NEB: variants seen among roughly 807,000 people sequenced by gnomAD.
NEB encodes the protein nemaline myopathy type 2.
In NEB, 512 loss-of-function variants were observed where a neutral mutation model predicts 952.2. The observed-to-expected ratio is 0.54, with a 90% CI of 0.50 to 0.58. NEB has a LOEUF of 0.58. Ranked by LOEUF, NEB falls within the 20% of genes least tolerant of loss-of-function variation. NEB has a pLI of 0.00. For missense variants in NEB, 8,428 were observed against 9,231.1 expected (o/e 0.91, Z 3.56); for synonymous variants, 2,900 against 3,149.8 (o/e 0.92, Z 2.66).
chr2:151,710,054 T>C (rs1481251234), intron 11 of NEB, among the ~76,000 whole-genome samples: 1 of 152,192 alleles, frequency 6.6e-6, no homozygotes, highest in Non-Finnish European at 1.5e-5. Context: ...AGAAAAACAA[T>C]AGACTTATGT....
At chr2:151,707,513 G>T (rs899040914) in intron 12 of NEB, among the ~76,000 whole-genome samples, 1 of 74,460 alleles carries the variant, frequency 1.3e-5, no homozygotes, top group Non-Finnish European at 4.9e-5. Context: ...CAATTTACAA[G>T]TAGGAGGAGG....
At chr2:151,554,909 A>C (rs768845391) in intron 125 of NEB, 22 bp downstream of exon 125, 1 of 1,489,170 alleles carries the variant, frequency 6.7e-7, no homozygotes, top group South Asian at 1.1e-5. Flanking sequence ...CTAGTCATTA[A>C]GGGGCGCATG....
At chr2:151,729,552 A>C in intron 4 of NEB, 63 bp downstream of exon 4, 2 of 1,566,530 alleles carry the variant, frequency 1.3e-6, no homozygotes, top group Non-Finnish European at 1.8e-6. Context: ...GAGTCTAAGA[A>C]AGGAGAAAGC....
intron 146 of NEB, 136 bp downstream of exon 146, chr2:151,529,074 A>G: frequency 4.4e-6 from 3 of 684,780 alleles, no homozygotes; most frequent in Admixed American, 5.5e-5. Flanking sequence ...ATCATTGTTC[A>G]TGCTCCTGGG....
At chr2:151,555,111 CA>C in intron 124 of NEB, 67 bp from the exon 125 acceptor site, 1 of 1,150,240 alleles carries the variant, frequency 8.7e-7, no homozygotes, top group Non-Finnish European at 1.3e-6. Flanking sequence ...ATTAAAACAG[CA>C]TAAGACTTAA....
chr2:151,575,591 C>G (rs553780946), intron 107 of NEB, 104 bp downstream of exon 107: 1 of 796,794 alleles, frequency 1.3e-6, no homozygotes, highest in Non-Finnish European at 2.1e-6. Context: ...TCCCCTGTTG[C>G]GGGAAGTCAG....
In NEB at chr2:151,671,203, G is replaced by A. The variant is rs1196827078; in HGVS notation, c.4326C>T (p.Ser1442=). 20 of 1,613,690 alleles carry A rather than the reference G, an allele frequency of 1.2e-5. No homozygotes were observed. The Admixed American group carries it at 1.5e-4, about 12-fold the overall frequency. Reference sequence around the variant, plus strand: ...GGATCCATCCGATGCCCTTCAAGAAGCTGTTATACTCGTCTTTATACACAT... The same window carrying A: ...GGATCCATCCGATGCCCTTCAAGAAACTGTTATACTCGTCTTTATACACAT... The part of the protein sequence containing the change: ...SDNVYKDEYN[S]FLKGIGWIPI... Residue 1442 remains serine (S), a synonymous_variant, in exon 38 of 182, where the codon AGC becomes AGT. Transcript: ENST00000397345.
At chr2:151,717,966 G>A (rs904262110) in intron 9 of NEB, among the ~76,000 whole-genome samples, 4 of 150,366 alleles carry the variant, frequency 2.7e-5, no homozygotes, top group Non-Finnish European at 5.9e-5. Context: ...CCATTCTCCT[G>A]CCTCAGCCTC....
intron 60 of NEB, 58 bp from the exon 61 acceptor site, chr2:151,640,724 C>A (rs1401661468): frequency 6.6e-7 from 1 of 1,516,468 alleles, no homozygotes; most frequent in African/African-American, 1.4e-5. Context: ...AAAGCAATCA[C>A]TAAGCCTAAC....
intron 3 of NEB, among the ~76,000 whole-genome samples, chr2:151,731,930 G>A (rs1438665411): frequency 6.6e-6 from 1 of 152,178 alleles, no homozygotes; most frequent in Non-Finnish European, 1.5e-5. Context: ...ATTTAAGCCA[G>A]AGAGGCTGAG....
At chr2:151,595,287 G>T (rs1442458530) in intron 92 of NEB, among the ~76,000 whole-genome samples, 557 of 147,186 alleles carry the variant, frequency 3.8e-3, no homozygotes, top group African/African-American at 0.014. Flanking sequence ...TTTCAGTCTT[G>T]TTGCCCAGGC....
intron 146 of NEB, 139 bp from the exon 147 acceptor site, chr2:151,527,724 T>C: frequency 1.5e-6 from 1 of 651,026 alleles, no homozygotes; most frequent in Non-Finnish European, 2.6e-6. Flanking sequence ...CCAATTGAAA[T>C]TTCTGTACAA....
intron 107 of NEB, among the ~76,000 whole-genome samples, chr2:151,571,782 A>T (rs2096637515): frequency 6.6e-6 from 1 of 152,258 alleles, no homozygotes. Flanking sequence ...AGTAATTTAA[A>T]CATATAATTC....
At chr2:151,601,476 G>A (rs1560294948) in intron 88 of NEB, among the ~76,000 whole-genome samples, 2 of 110,662 alleles carry the variant, frequency 1.8e-5, no homozygotes, top group Admixed American at 9.4e-5. Context: ...CTATCTACGT[G>A]GAAAAAAACA....
At chr2:151,670,982 G>A in intron 38 of NEB, 41 bp downstream of exon 38, 1 of 1,567,662 alleles carries the variant, frequency 6.4e-7, no homozygotes, top group South Asian at 1.1e-5. Context: ...AGACACGTGT[G>A]GTTATTTACG....
intron 181 of NEB, among the ~76,000 whole-genome samples, chr2:151,489,660 G>A (rs772913684): frequency 1.1e-4 from 17 of 152,084 alleles, no homozygotes; most frequent in Non-Finnish European, 2.2e-4. Flanking sequence ...GCGTCCCAAA[G>A]TGCTGGCATT....
intron 24 of NEB, chr2:151,690,180 C>T (rs1220537238): frequency 7.7e-5 from 12 of 155,656 alleles, no homozygotes; most frequent in Non-Finnish European, 9.9e-5. Context: ...TGTTTTCCCC[C>T]GATCTTGGCA....
intron 3 of NEB, among the ~76,000 whole-genome samples, chr2:151,731,075 G>A (rs1393849428): frequency 1.3e-5 from 2 of 152,152 alleles, no homozygotes; most frequent in African/African-American, 4.8e-5. Context: ...CAAAACATCA[G>A]TGGCTTCAGA....
chr2:151,514,008 C>T (rs2076221596), intron 159 of NEB, among the ~76,000 whole-genome samples: 1 of 152,196 alleles, frequency 6.6e-6, no homozygotes, highest in South Asian at 2.1e-4. Context: ...TAAGATTACA[C>T]TTAGGTGCAC....
Sources: gnomAD v4.1 joint callset for allele counts (sites outside exome capture counted in the v4.1 genomes callset) on GRCh38, gnomAD v4.1.1 for gene constraint, MANE v1.5 for transcripts, NCBI Gene and HGNC (gene_info 2026-07-23, HGNC 2026-07-21) for gene names.